Variants in NIPAL3 observed in about 807,000 individuals in gnomAD.
The protein encoded by NIPAL3 is NIPA-like protein 3.
Under a neutral mutation model 47.2 loss-of-function variants are expected in NIPAL3, and 41 were observed. The observed-to-expected ratio is 0.87, with a 90% CI of 0.68 to 1.13. The LOEUF is 1.13. NIPAL3 is among the 50% of genes most tolerant of loss of function. The pLI, the probability that NIPAL3 is intolerant of heterozygous loss-of-function variation, is 0.00. For missense variants in NIPAL3, 449 were observed against 530.1 expected (o/e 0.85, Z 1.50); for synonymous variants, 194 against 209.6 (o/e 0.93, Z 0.64).
chr1:24,415,927 A>T (rs1036328047), intron 1 of NIPAL3, 23 bp downstream of exon 1: 74 of 983,956 alleles, frequency 7.5e-5, no homozygotes, highest in Middle Eastern at 5.2e-4. Context: ...TAACACCGGG[A>T]GGAAGGGGAA....
intron 2 of NIPAL3, among the ~76,000 whole-genome samples, chr1:24,435,824 A>T (rs1645076884): frequency 6.6e-6 from 1 of 152,186 alleles, no homozygotes; most frequent in African/African-American, 2.4e-5. Context: ...GGGCTGACTT[A>T]GTTCATTTGG....
chr1:24,442,352 A>G (rs1645438743), intron 4 of NIPAL3, 126 bp downstream of exon 4: 2 of 1,010,526 alleles, frequency 2.0e-6, no homozygotes, highest in African/African-American at 3.2e-5. Flanking sequence ...AGCCTAATAC[A>G]AAGGGCTTCA....
intron 2 of NIPAL3, among the ~76,000 whole-genome samples, chr1:24,436,381 A>AAAAAGAATACAGAATACCCAAGGCC (rs1645108414): frequency 6.6e-6 from 1 of 152,102 alleles, no homozygotes; most frequent in Non-Finnish European, 1.5e-5. Flanking sequence ...TGTATGAGGC[A>AAAAAGAATACAGAATACCCAAGGCC]AAAAGAATAC....
At chr1:24,464,251 T>C in intron 11 of NIPAL3, 131 bp downstream of exon 11, 1 of 684,804 alleles carries the variant, frequency 1.5e-6, no homozygotes, top group Non-Finnish European at 2.3e-6. Context: ...TCTTTTTTCT[T>C]TTCTTTTTAA....
chr1:24,457,844 G>A (rs765649830), intron 8 of NIPAL3: 2 of 532,394 alleles, frequency 3.8e-6, no homozygotes, highest in Non-Finnish European at 7.7e-6. Context: ...GTAAACATGA[G>A]CTGCTTCTAT....
intron 2 of NIPAL3, among the ~76,000 whole-genome samples, chr1:24,424,442 G>T (rs1417394906): frequency 6.6e-6 from 1 of 152,196 alleles, no homozygotes; most frequent in African/African-American, 2.4e-5. Context: ...ATGCCACGGG[G>T]TTTCCAAGAG....
chr1:24,446,069 CGTGT>C (rs58016013), intron 5 of NIPAL3, among the ~76,000 whole-genome samples: 1,621 of 147,718 alleles, frequency 0.011, 16 homozygotes, highest in Admixed American at 0.022. Context: ...AGATTATAGT[CGTGT>C]GTGTGTGTGT....
chr1:24,425,300 T>G (rs1340948586), intron 2 of NIPAL3, among the ~76,000 whole-genome samples: 1 of 146,762 alleles, frequency 6.8e-6, no homozygotes, highest in African/African-American at 2.5e-5. Flanking sequence ...TCTTAAAACA[T>G]TATGAGATTT....
chr1:24,470,244 C>T lies in NIPAL3; in HGVS notation c.*1059C>T, dbSNP rs751911845. 1 of 152,198 alleles carries T rather than the reference C, an allele frequency of 6.6e-6. No homozygotes were observed. Among genetic ancestry groups the T allele is most frequent in the Non-Finnish European group, 1.5e-5 (1 of 68,046 alleles). The allele number at this position is 152,198 out of a possible 1,614,324, so 9.4% of individuals were successfully genotyped here. ...TCCAAAACAGGGCTGTTGCTTTCTT[C>T]CTGGCCGCATATGTGACTGTCTTCC... is the stretch of plus-strand genomic sequence containing the variant. On this transcript the variant is annotated 3_prime_UTR_variant, in exon 12 of 12. Coordinates refer to ENST00000374399, the MANE Select transcript of NIPAL3 (RefSeq NM_020448.5).
chr1:24,465,018 A>G (rs1646636628), intron 11 of NIPAL3: 1 of 152,126 alleles, frequency 6.6e-6, no homozygotes, highest in Non-Finnish European at 1.5e-5. Context: ...TCTACTTTTT[A>G]TATTAGTTCC....
intron 4 of NIPAL3, among the ~76,000 whole-genome samples, chr1:24,444,356 G>A (rs1645547934): frequency 6.6e-6 from 1 of 152,020 alleles, no homozygotes; most frequent in South Asian, 2.1e-4. Context: ...ATGGAGGGAT[G>A]GAGAAAGGGG....
chr1:24,458,969 C>T lies in NIPAL3; in HGVS notation c.855C>T (p.Ile285=), dbSNP rs994465181. The change falls in exon 9 of 12, where the codon ATC becomes ATT. Residue 285 remains isoleucine, a synonymous_variant. Coordinates refer to ENST00000374399, the MANE Select transcript of NIPAL3 (RefSeq NM_020448.5). ...ACATTCTGTCCACAACCATTGCTAT[C>T]ACAGCAGGTAAGGGTGACCCATTGC... ...VGYILSTTIA[I]TAGAIFYLDF... is the part of the protein sequence containing the mutation. 4.3e-6 allele frequency: 7 copies of T among 1,613,638 alleles called. No homozygotes were observed. Among genetic ancestry groups the T allele is most frequent in the African/African-American group, 1.3e-5 (1 of 74,908 alleles).
chr1:24,441,813 A>G (rs1000639511), intron 3 of NIPAL3, among the ~76,000 whole-genome samples: 1 of 152,022 alleles, frequency 6.6e-6, no homozygotes, highest in South Asian at 2.1e-4. Context: ...CCAGGTGGGT[A>G]TTTTGACAGA....
intron 1 of NIPAL3, among the ~76,000 whole-genome samples, chr1:24,418,171 C>G (rs1644145223): frequency 6.6e-6 from 1 of 152,088 alleles, no homozygotes; most frequent in South Asian, 2.1e-4. Flanking sequence ...TAGCACATGG[C>G]ACATCAAAAG....
At chr1:24,439,293 A>G (rs915530835) in intron 2 of NIPAL3, among the ~76,000 whole-genome samples, 7 of 152,266 alleles carry the variant, frequency 4.6e-5, no homozygotes, top group Non-Finnish European at 8.8e-5. Context: ...GAGTTATTTG[A>G]CATTTAATAA....
intron 2 of NIPAL3, among the ~76,000 whole-genome samples, chr1:24,432,212 C>T (rs1184797112): frequency 6.6e-6 from 1 of 152,186 alleles, no homozygotes; most frequent in Non-Finnish European, 1.5e-5. Flanking sequence ...TCACTGCAGT[C>T]TCCGCCTTCC....
At chr1:24,433,940 A>C (rs183136764) in intron 2 of NIPAL3, among the ~76,000 whole-genome samples, 6 of 152,324 alleles carry the variant, frequency 3.9e-5, no homozygotes, top group Admixed American at 3.9e-4. Flanking sequence ...TAAGAAAATA[A>C]CTCTTAAATA....
At chr1:24,457,125 G>C (rs1000282600) in intron 8 of NIPAL3, among the ~76,000 whole-genome samples, 1 of 152,132 alleles carries the variant, frequency 6.6e-6, no homozygotes, top group Non-Finnish European at 1.5e-5. Flanking sequence ...GCAGATGATC[G>C]TCTCAGGGGC....
At chr1:24,441,589 T>C (rs1350158328) in intron 3 of NIPAL3, among the ~76,000 whole-genome samples, 1 of 152,098 alleles carries the variant, frequency 6.6e-6, no homozygotes, top group Non-Finnish European at 1.5e-5. Flanking sequence ...GCTGCTGGCA[T>C]GTAGACAGGA....
Sources: allele counts gnomAD v4.1 joint callset (sites outside exome capture counted in the v4.1 genomes callset), GRCh38; gene constraint gnomAD v4.1.1; transcripts MANE v1.5; gene names NCBI Gene and HGNC (gene_info 2026-07-23, HGNC 2026-07-21).